The following BEGAIN variants were observed in gnomAD, a reference collection of about 807,000 sequenced individuals.
BEGAIN encodes the protein brain enriched guanylate kinase associated, also known as brain-enriched guanylate kinase-associated protein.
Under a neutral mutation model 35.8 loss-of-function variants are expected in BEGAIN, and 19 were observed. The ratio of observed to expected loss-of-function variants is 0.53; its 90% CI spans 0.37 to 0.78. BEGAIN has a LOEUF of 0.78. Ranked by LOEUF, BEGAIN falls within the 30% of genes least tolerant of loss-of-function variation. The pLI, the probability that BEGAIN is intolerant of heterozygous loss-of-function variation, is 0.00. For missense variants in BEGAIN, 795 were observed against 853.6 expected (o/e 0.93, Z 0.85); for synonymous variants, 462 against 388.6 (o/e 1.19, Z -2.22).
At chr14:100,551,632 T>A (rs901477122) in intron 2 of BEGAIN, among the ~76,000 whole-genome samples, 1 of 152,254 alleles carries the variant, frequency 6.6e-6, no homozygotes, top group African/African-American at 2.4e-5. Flanking sequence ...TATACTTTTC[T>A]GAATGTGTCA....
intron 2 of BEGAIN, among the ~76,000 whole-genome samples, chr14:100,561,818 G>A (rs1397312866): frequency 1.3e-5 from 2 of 152,122 alleles, no homozygotes; most frequent in Non-Finnish European, 2.9e-5. Context: ...TACCCCATCA[G>A]GGAGGCAGGC....
chr14:100,579,694 A>G (rs1302169747), intron 1 of BEGAIN, among the ~76,000 whole-genome samples: 1 of 152,138 alleles, frequency 6.6e-6, no homozygotes, highest in East Asian at 1.9e-4. Flanking sequence ...CACCTCTCTG[A>G]ATGCCCAAAG....
chr14:100,545,066 C>T lies in BEGAIN; in HGVS notation c.234G>A (p.Arg78=). ...ELEKVTEKLR[R]IQSNYMALQR... is the part of the protein sequence containing the mutation. The stretch of plus-strand genomic sequence containing the variant: ...GCAGTGCCATGTAGTTGCTCTGAAT[C>T]CTGGTGCAGGAGGCAAGGGGGTCAC... The change falls in exon 4 of 7, where the codon AGG becomes AGA. Residue 78 remains arginine (R), a splice_region_variant and synonymous_variant. Coordinates refer to ENST00000554140, the MANE Select transcript of BEGAIN (RefSeq NM_001385089.1). 1 of 1,613,398 alleles carries T rather than the reference C, an allele frequency of 6.2e-7. No homozygotes were observed. Among genetic ancestry groups the T allele is most frequent in the Non-Finnish European group, 8.5e-7 (1 of 1,179,992 alleles).
Position 100,538,915 on chromosome 14 carries a change from G to T in BEGAIN, c.893C>A (p.Pro298Gln). 6.2e-7 allele frequency: 1 copy of T among 1,607,706 alleles called. No homozygotes were observed. Residue 298 changes from proline to glutamine, a missense_variant, in exon 7 of 7, where the codon CCG (proline) becomes CAG (glutamine). Physicochemically the swap from Pro to Gln is moderately conservative, Grantham distance 76. Coordinates refer to ENST00000554140, the MANE Select transcript of BEGAIN (RefSeq NM_001385089.1). The stretch of plus-strand genomic sequence containing the variant: ...GAAGGCCTCATGCTGGAAGCCCGCC[G>T]GGAAGGCCGCCGCCTCGGCCTCCTC... ...EEEEAEAAAF[P>Q]AGFQHEAFPS...
chr14:100,561,716 G>GGA (rs2034274284), intron 2 of BEGAIN, among the ~76,000 whole-genome samples: 1 of 146,340 alleles, frequency 6.8e-6, no homozygotes, highest in African/African-American at 2.5e-5. Context: ...CAAGACTGTC[G>GGA]AAAAAAAAAA....
chr14:100,545,578 G>T (rs921277014), intron 3 of BEGAIN: 2 of 330,428 alleles, frequency 6.1e-6, no homozygotes, highest in Non-Finnish European at 8.7e-6. Context: ...GGTGCTTGGA[G>T]ATTCCATTGC....
intron 3 of BEGAIN, 187 bp from the exon 4 acceptor site, chr14:100,545,253 T>C: frequency 7.0e-7 from 1 of 1,425,808 alleles, no homozygotes; most frequent in Non-Finnish European, 9.2e-7. Flanking sequence ...AAGCAAACTT[T>C]TGTAGAAGCC....
rs768090272 is a variant in BEGAIN at position 100,567,988 on chromosome 14, G to A, written c.43-49C>T. ...TCAGCAGGCAGGAGGCGTGCGCTCC[G>A]CGGCCGCGCCGGGCAGAGCCGGGCA... is the stretch of plus-strand genomic sequence containing the variant. On this transcript the variant is annotated intron_variant, in intron 1 of 6. Transcript: ENST00000554140. This position sits in a 1 kb window ranked among gnomAD's most constrained non-coding sequence, Gnocchi z 5.1. 20 of 1,394,898 alleles carry A rather than the reference G, an allele frequency of 1.4e-5. No homozygotes were observed. In the South Asian group the frequency reaches 2.0e-4, roughly 14 times the overall value. 86.4% of individuals were successfully genotyped at this position (1,394,898 alleles called of 1,614,324 possible). A position where few individuals can be genotyped will look rare whatever the true frequency, so the allele number is the denominator to read the frequency against.
chr14:100,545,245 G>A, intron 3 of BEGAIN, 179 bp from the exon 4 acceptor site: 2 of 1,432,262 alleles, frequency 1.4e-6, no homozygotes, highest in Non-Finnish European at 1.8e-6. Context: ...TCCCATTAAA[G>A]CAAACTTTTG....
intron 6 of BEGAIN, 59 bp from the exon 7 acceptor site, chr14:100,539,374 C>T (rs2031210612): frequency 6.7e-7 from 1 of 1,499,066 alleles, no homozygotes; most frequent in Non-Finnish European, 8.8e-7. Flanking sequence ...CATGGCAGCC[C>T]AGCCCTGGCC....
At chr14:100,569,022 G>T in intron 1 of BEGAIN, 1 of 876,944 alleles carries the variant, frequency 1.1e-6, no homozygotes, top group Non-Finnish European at 1.4e-6. Context: ...CGCCGGGCGA[G>T]GGCGCAGCCC....
chr14:100,567,831 C>T lies in BEGAIN; in HGVS notation c.71+80G>A. On this transcript the variant is annotated intron_variant, in intron 2 of 6. Coordinates refer to ENST00000554140, the MANE Select transcript of BEGAIN (RefSeq NM_001385089.1). This position sits in a 1 kb window ranked among gnomAD's most constrained non-coding sequence, Gnocchi z 5.1. ...CCCTGGGGGATGCGCTCGGGTGGAG[C>T]CCCCTTCCCCCGCCTTCCCCAGCGC... The T allele has an allele frequency of 2.9e-6, 4 of 1,379,636 alleles. No individual in the cohort carries two copies. Among genetic ancestry groups the T allele is most frequent in the Admixed American group, 5.0e-5 (2 of 40,394 alleles). 85.5% of individuals were successfully genotyped at this position (1,379,636 alleles called of 1,614,324 possible).
intron 1 of BEGAIN, 26 bp downstream of exon 1, chr14:100,587,223 T>C (rs1406545235): frequency 5.5e-6 from 1 of 182,824 alleles, no homozygotes; most frequent in Non-Finnish European, 1.1e-5. Context: ...GCCCGCGCCC[T>C]GCCCTCCCGG....
intron 2 of BEGAIN, among the ~76,000 whole-genome samples, chr14:100,554,788 A>G (rs1403364571): frequency 6.6e-6 from 1 of 150,852 alleles, no homozygotes; most frequent in Admixed American, 6.6e-5. Context: ...AGCTGCCCCA[A>G]CTCCTCTCTG....
intron 5 of BEGAIN, among the ~76,000 whole-genome samples, chr14:100,542,100 TAAG>T (rs2031713274): frequency 1.3e-5 from 2 of 152,134 alleles, no homozygotes; most frequent in South Asian, 2.1e-4. Flanking sequence ...CTTGTCACGT[TAAG>T]AAGCACCTCC....
intron 2 of BEGAIN, among the ~76,000 whole-genome samples, chr14:100,565,824 C>T (rs1050394897): frequency 4.6e-5 from 7 of 152,174 alleles, no homozygotes; most frequent in African/African-American, 1.7e-4. Flanking sequence ...GTTAGGACAC[C>T]CACTTTACAG....
At position 100,537,956 on chromosome 14, in the gene BEGAIN, T is replaced by C. The variant is rs111729292; in HGVS notation, c.*13A>G. The C allele has an allele frequency of 6.1e-3, 9,825 of 1,599,284 alleles. 474 individuals carry two copies. The African/African-American group carries it at 0.11, about 18-fold the overall frequency. On this transcript the variant is annotated 3_prime_UTR_variant, in exon 7 of 7. Coordinates refer to ENST00000554140, the MANE Select transcript of BEGAIN (RefSeq NM_001385089.1). ...GCGGGGAGCGAACCACGGCCAGGCC[T>C]GCACGCAGGCGCTCAGTTGAGCAAG...
intron 2 of BEGAIN, chr14:100,550,330 G>A (rs1409598762): frequency 2.5e-6 from 1 of 398,282 alleles, no homozygotes; most frequent in Non-Finnish European, 4.4e-6. Context: ...CTCTGCATCT[G>A]TCTCGGGGAG....
At chr14:100,565,041 G>A (rs2034575670) in intron 2 of BEGAIN, among the ~76,000 whole-genome samples, 1 of 152,180 alleles carries the variant, frequency 6.6e-6, no homozygotes, top group African/African-American at 2.4e-5. Flanking sequence ...TCACAACCTG[G>A]GACCCCAGAG....
Sources: allele counts gnomAD v4.1 joint callset (sites outside exome capture counted in the v4.1 genomes callset), GRCh38; gene constraint gnomAD v4.1.1; non-coding constraint Gnocchi (gnomAD v3.1); transcripts MANE v1.5; gene names NCBI Gene and HGNC (gene_info 2026-07-23, HGNC 2026-07-21).